Variants in TMPRSS15 observed in about 807,000 individuals in gnomAD.
TMPRSS15 encodes the protein transmembrane serine protease 15, also known as enteropeptidase.
A neutral mutation model predicts 125.3 loss-of-function variants in TMPRSS15; 128 were observed. The observed-to-expected ratio is 1.02, with a 90% CI of 0.89 to 1.18. The LOEUF is 1.18. Among genes scored for constraint, TMPRSS15 ranks in the 50% most tolerant of loss-of-function variants. The pLI is 0.00. For missense variants in TMPRSS15, 1,283 were observed against 1,212.7 expected (o/e 1.06, Z -0.86); for synonymous variants, 446 against 423.2 (o/e 1.05, Z -0.66).
At chr21:18,473,814 T>A (rs749636734) in intron 1 of TMPRSS15, among the ~76,000 whole-genome samples, 17 of 152,244 alleles carry the variant, frequency 1.1e-4, no homozygotes, top group Non-Finnish European at 2.2e-4. Context: ...GGAGATTTTT[T>A]AAAAATACAT....
intron 16 of TMPRSS15, 84 bp downstream of exon 16, chr21:18,326,348 C>A: frequency 6.5e-7 from 1 of 1,538,028 alleles, no homozygotes; most frequent in Non-Finnish European, 9.0e-7. Context: ...GCATTAAAAT[C>A]ATGATTTTGG....
chr21:18,367,556 G>A (rs970689627), intron 6 of TMPRSS15, among the ~76,000 whole-genome samples: 4 of 152,046 alleles, frequency 2.6e-5, no homozygotes, highest in Non-Finnish European at 4.4e-5. Flanking sequence ...ACAGTTTGTC[G>A]AGAAATAACA....
At chr21:18,456,304 C>A (rs1978439131) in intron 1 of TMPRSS15, among the ~76,000 whole-genome samples, 1 of 152,068 alleles carries the variant, frequency 6.6e-6, no homozygotes, top group Non-Finnish European at 1.5e-5. Flanking sequence ...TGTCTAATGT[C>A]AGCGTTTCAC....
At chr21:18,485,845 C>A in exon 1 of TMPRSS15, 1 of 155,954 alleles carries the variant, frequency 6.4e-6, no homozygotes, top group South Asian at 1.7e-4. Flanking sequence ...AGAAGGCGAA[C>A]GAGGAGCAAA....
rs368907639 is a variant in TMPRSS15, at chr21:18,362,194, T to C, written c.774-2331A>G. ...TTTGAAGCTGTTTAAATTCTGCCTC[T>C]GTTATGTCAGTTCAAGGACTGGGGG... On this transcript the variant is annotated intron_variant, in intron 7 of 24. Coordinates refer to ENST00000284885, the MANE Select transcript of TMPRSS15 (RefSeq NM_002772.3). Among the ~76,000 whole-genome samples the C allele has an allele frequency of 3.4e-4, 52 of 152,254 alleles. No homozygotes were observed. In the East Asian group the frequency reaches 8.5e-3, roughly 25 times the overall value.
chr21:18,294,194 C>CATCCCACCAGGGA, intron 21 of TMPRSS15, 76 bp downstream of exon 21: 1 of 1,559,440 alleles, frequency 6.4e-7, no homozygotes, highest in Non-Finnish European at 8.8e-7. Context: ...TTTTGTGATG[C>CATCCCACCAGGGA]TGCATGAAAT....
At chr21:18,312,252 A>C (rs1601316766) in intron 18 of TMPRSS15, among the ~76,000 whole-genome samples, 1 of 152,016 alleles carries the variant, frequency 6.6e-6, no homozygotes, top group South Asian at 2.1e-4. Flanking sequence ...AATTACTTTT[A>C]AGACTTGATG....
chr21:18,318,574 A>C (rs111847317), intron 16 of TMPRSS15, among the ~76,000 whole-genome samples: 2 of 152,192 alleles, frequency 1.3e-5, no homozygotes, highest in East Asian at 3.8e-4. Context: ...GGGATAAAAG[A>C]AGCTTTGAAT....
intron 22 of TMPRSS15, among the ~76,000 whole-genome samples, chr21:18,280,593 A>AAAAAAAAAC (rs1267521488): frequency 2.8e-5 from 4 of 143,586 alleles, no homozygotes; most frequent in African/African-American, 8.5e-5. Context: ...AAAAAAAAAA[A>AAAAAAAAAC]AACAACAAAA....
chr21:18,290,019 G>A (rs996416821), intron 21 of TMPRSS15, among the ~76,000 whole-genome samples: 2 of 152,218 alleles, frequency 1.3e-5, no homozygotes, highest in Non-Finnish European at 2.9e-5. Flanking sequence ...TGGTTGATGC[G>A]TGTGCTTTAT....
intron 23 of TMPRSS15, among the ~76,000 whole-genome samples, chr21:18,277,089 T>C (rs1346352028): frequency 6.6e-6 from 1 of 152,152 alleles, no homozygotes; most frequent in East Asian, 1.9e-4. Context: ...TTTATGAAAT[T>C]AAGTAGATGG....
chr21:18,332,212 T>A, intron 13 of TMPRSS15, 39 bp from the exon 14 acceptor site: 1 of 1,543,762 alleles, frequency 6.5e-7, no homozygotes, highest in Non-Finnish European at 9.0e-7. Context: ...AGTAATACAA[T>A]GTTTATTTCA....
intron 24 of TMPRSS15, among the ~76,000 whole-genome samples, chr21:18,273,321 T>G (rs1216935858): frequency 6.6e-6 from 1 of 152,230 alleles, no homozygotes; most frequent in African/African-American, 2.4e-5. Flanking sequence ...AATGTATCAG[T>G]AATAACGTGT....
rs2076057684 is a variant in TMPRSS15, at chr21:18,398,182, A to T, written c.276+17T>A. ...AAACTGTGTTATAAAATTTGAAACC[A>T]GCTGTCAGTCTCCTACCATTTGCTG... On this transcript the variant is annotated intron_variant, in intron 2 of 24. Coordinates refer to ENST00000284885, the MANE Select transcript of TMPRSS15 (RefSeq NM_002772.3). 6.2e-7 allele frequency: 1 copy of T among 1,613,716 alleles called. No individual in the cohort carries two copies. The highest frequency in any genetic ancestry group is 1.3e-5 in the African/African-American group (1 of 75,050).
At chr21:18,416,503 G>A (rs1013921745) in intron 1 of TMPRSS15, among the ~76,000 whole-genome samples, 3 of 151,952 alleles carry the variant, frequency 2.0e-5, no homozygotes, top group African/African-American at 7.2e-5. Context: ...TAAGGCATTT[G>A]TTTTTACAGC....
chr21:18,334,615 G>C (rs970840448), intron 13 of TMPRSS15, among the ~76,000 whole-genome samples: 1 of 152,170 alleles, frequency 6.6e-6, no homozygotes, highest in African/African-American at 2.4e-5. Context: ...AGGCAATCTT[G>C]TGGATTGGGT....
chr21:18,341,641 C>T, intron 12 of TMPRSS15, 93 bp from the exon 13 acceptor site: 3 of 1,333,560 alleles, frequency 2.2e-6, no homozygotes, highest in Non-Finnish European at 3.2e-6. Context: ...TCAATATTGT[C>T]TAGAGATTCA....
chr21:18,396,792 A>AAAATCTGTCTGTCTGTTTG (rs1408156983), intron 3 of TMPRSS15, among the ~76,000 whole-genome samples: 1 of 112,792 alleles, frequency 8.9e-6, no homozygotes, highest in Non-Finnish European at 1.8e-5. Context: ...AAAAAAAAAA[A>AAAATCTGTCTGTCTGTTTG]TCTGTCTGTC....
chr21:18,347,397 T>C (rs1404752064), intron 10 of TMPRSS15, among the ~76,000 whole-genome samples: 1 of 152,050 alleles, frequency 6.6e-6, no homozygotes, highest in Non-Finnish European at 1.5e-5. Context: ...CCACCATGGC[T>C]GGCTAATTTT....
Sources: gnomAD v4.1 joint callset for allele counts (sites outside exome capture counted in the v4.1 genomes callset) on GRCh38, gnomAD v4.1.1 for gene constraint, MANE v1.5 for transcripts, NCBI Gene and HGNC (gene_info 2026-07-23, HGNC 2026-07-21) for gene names.